Variants in DNAH3 observed in about 807,000 individuals in gnomAD.
The protein encoded by DNAH3 is axonemal beta dynein heavy chain 3.
In DNAH3, 332 loss-of-function variants were observed where a neutral mutation model predicts 432.5. The ratio of observed to expected loss-of-function variants is 0.77; its 90% CI spans 0.70 to 0.84. The LOEUF (loss-of-function observed/expected upper bound fraction) is 0.84, where lower values mean the gene tolerates loss of function less well. Among genes scored for constraint, DNAH3 ranks in the 40% least tolerant of loss-of-function variants. The pLI, the probability that DNAH3 is intolerant of heterozygous loss-of-function variation, is 0.00. For synonymous variants in DNAH3, 1,956 were observed against 1,900.2 expected (o/e 1.03, Z -0.76); for missense variants, 4,861 against 5,114.0 (o/e 0.95, Z 1.51).
intron 41 of DNAH3, among the ~76,000 whole-genome samples, chr16:21,016,553 C>T (rs1031119580): frequency 6.6e-6 from 1 of 152,252 alleles, no homozygotes; most frequent in Non-Finnish European, 1.5e-5. Context: ...TTCTGTGTAT[C>T]GCTGGTGGGA....
At chr16:20,933,449 C>T (rs775554981) in exon 62 of DNAH3, 8 of 1,613,646 alleles carry the variant, frequency 5.0e-6, no homozygotes, top group Non-Finnish European at 6.8e-6. Flanking sequence ...TAAGAAGAGC[C>T]CTTTGATGTA....
At chr16:21,008,163 G>C (rs12917654) in intron 41 of DNAH3, among the ~76,000 whole-genome samples, 1,840 of 151,822 alleles carry the variant, frequency 0.012, 17 homozygotes, top group Non-Finnish European at 0.02. Flanking sequence ...CTGGCTCTTG[G>C]TTCATGTTTT....
At chr16:20,959,698 GA>G (rs1471983050) in intron 53 of DNAH3, among the ~76,000 whole-genome samples, 1 of 150,964 alleles carries the variant, frequency 6.6e-6, no homozygotes, top group Non-Finnish European at 1.5e-5. Context: ...TTTGGACTCA[GA>G]AAAAAACTCA....
rs956705994 is a variant in DNAH3 at position 20,959,049 on chromosome 16, T to C, written c.10826+130A>G. On this transcript the variant is annotated intron_variant, in intron 54 of 61. Transcript: ENST00000261383. ...TTCCAAAGTGCTGGGATTACAGACA[T>C]GAGCCACCCTGCCTGGCCTAGACTG... 8.7e-6 allele frequency: 8 copies of C among 919,780 alleles called. No homozygotes were observed. The African/African-American group carries it at 9.8e-5, about 11-fold the overall frequency. The allele number at this position is 919,780 out of a possible 1,614,324, so 57.0% of individuals were successfully genotyped here. A position where few individuals can be genotyped will look rare whatever the true frequency, so the allele number is the denominator to read the frequency against.
At chr16:21,040,467 C>T (rs1451004225) in intron 32 of DNAH3, among the ~76,000 whole-genome samples, 5 of 147,292 alleles carry the variant, frequency 3.4e-5, no homozygotes, top group Non-Finnish European at 7.4e-5. Context: ...CAGGTTCAAG[C>T]GATTCTCGTG....
At chr16:21,133,361 CAAA>C (rs34385925) in intron 7 of DNAH3, among the ~76,000 whole-genome samples, 2 of 70,194 alleles carry the variant, frequency 2.8e-5, no homozygotes, top group Admixed American at 1.7e-4. Flanking sequence ...AGATTCGTCT[CAAA>C]AAAAAAAAAA....
At position 21,150,133 on chromosome 16, in the gene DNAH3, G is replaced by A. The variant is rs1057151073; in HGVS notation, c.118-4045C>T. On this transcript the variant is annotated intron_variant, in intron 1 of 61. Coordinates refer to ENST00000261383, the Ensembl canonical transcript of DNAH3. ...CCAGCTACTCAGGAGGCTGAGGCAG[G>A]AGAATCACTTGAACCCAGGAGGCGG... 2.7e-5 allele frequency among the ~76,000 whole-genome samples: 4 copies of A among 150,650 alleles called. No individual in the cohort carries two copies. In the South Asian group the frequency reaches 6.3e-4, roughly 24 times the overall value.
intron 24 of DNAH3, among the ~76,000 whole-genome samples, chr16:21,064,008 A>G (rs1597283933): frequency 6.6e-6 from 1 of 152,324 alleles, no homozygotes; most frequent in Middle Eastern, 3.4e-3. Context: ...GTCTTTACCA[A>G]ATATGGTGGA....
chr16:21,091,129 G>A (rs995189449), intron 18 of DNAH3, among the ~76,000 whole-genome samples: 7 of 152,024 alleles, frequency 4.6e-5, no homozygotes, highest in African/African-American at 1.7e-4. Context: ...GTCCAACCTA[G>A]GTGGCAGAGC....
At chr16:21,038,104 G>A (rs1381150149) in intron 33 of DNAH3, 124 bp from the exon 34 acceptor site, 1 of 743,284 alleles carries the variant, frequency 1.3e-6, no homozygotes, top group Non-Finnish European at 2.2e-6. Flanking sequence ...TGATGGAGAA[G>A]CCCTATCCTT....
chr16:21,125,971 A>T (rs1399102394), intron 8 of DNAH3, among the ~76,000 whole-genome samples: 1 of 152,134 alleles, frequency 6.6e-6, no homozygotes, highest in Non-Finnish European at 1.5e-5. Flanking sequence ...ACATGGCAAA[A>T]CTCCATCTCT....
At chr16:21,072,156 A>G (rs573103487) in intron 21 of DNAH3, among the ~76,000 whole-genome samples, 8 of 152,286 alleles carry the variant, frequency 5.3e-5, no homozygotes, top group African/African-American at 1.7e-4. Flanking sequence ...GCCTAAGGGC[A>G]CTGTGAAAAA....
At chr16:21,099,702 A>G (rs2091787194) in intron 16 of DNAH3, among the ~76,000 whole-genome samples, 1 of 152,340 alleles carries the variant, frequency 6.6e-6, no homozygotes, top group East Asian at 1.9e-4. Flanking sequence ...GTTAAAGTCA[A>G]TAAGAACAAC....
chr16:21,098,661 A>C lies in DNAH3; in HGVS notation c.2475T>G (p.Leu825=), dbSNP rs753188533. The change falls in exon 17 of 62, where the codon CTT becomes CTG. Residue 825 remains leucine, a synonymous_variant. Transcript: ENST00000261383. ...GATTTAGGTTCTTTGAAAGCTCATT[A>C]AGCTTTTCAACATTGTGCTTCATTT... 4.3e-6 allele frequency: 7 copies of C among 1,613,772 alleles called. No individual in the cohort carries two copies. In the South Asian group the frequency reaches 7.7e-5, roughly 18 times the overall value.
At chr16:21,122,003 C>A (rs193201872) in exon 10 of DNAH3, 1 of 1,613,762 alleles carries the variant, frequency 6.2e-7, no homozygotes, top group African/African-American at 1.3e-5. Flanking sequence ...TATTAATTCC[C>A]AGCAGCCATC....
intron 35 of DNAH3, among the ~76,000 whole-genome samples, chr16:21,034,880 A>C (rs2089083761): frequency 6.6e-6 from 1 of 152,246 alleles, no homozygotes; most frequent in Admixed American, 6.5e-5. Context: ...AGAGAACAAA[A>C]CAAACAAATC....
chr16:21,145,980 A>C lies in DNAH3; in HGVS notation c.222+4T>G. On this transcript the variant is annotated splice_donor_region_variant and intron_variant, in intron 2 of 61. Transcript: ENST00000261383. ...CAGAAGAGCTGGCAGCCAGGTGTGC[A>C]TACCTGATAGAGTCCAGACGGTTCC... is the stretch of plus-strand genomic sequence containing the variant. The C allele has an allele frequency of 6.3e-7, 1 of 1,598,220 alleles. No individual in the cohort carries two copies. The highest frequency in any genetic ancestry group is 8.6e-7 in the Non-Finnish European group (1 of 1,165,540).
chr16:21,060,475 T>A, intron 25 of DNAH3, 119 bp from the exon 26 acceptor site: 1 of 680,400 alleles, frequency 1.5e-6, no homozygotes, highest in Non-Finnish European at 2.6e-6. Flanking sequence ...GCTTGGCACC[T>A]TTTCAAGTCA....
At chr16:21,092,566 A>G (rs2091565892) in intron 18 of DNAH3, among the ~76,000 whole-genome samples, 1 of 151,958 alleles carries the variant, frequency 6.6e-6, no homozygotes, top group Non-Finnish European at 1.5e-5. Context: ...GGATTTGAGA[A>G]TGGCTTTTTA....
Sources: gnomAD v4.1 joint callset for allele counts (sites outside exome capture counted in the v4.1 genomes callset) on GRCh38, gnomAD v4.1.1 for gene constraint, MANE v1.5 for transcripts, NCBI Gene and HGNC (gene_info 2026-07-23, HGNC 2026-07-21) for gene names.